Variants in SERBP1 observed in about 807,000 individuals in gnomAD.
SERBP1 encodes SERPINE1 mRNA binding protein 1.
A neutral mutation model predicts 50.2 loss-of-function variants in SERBP1; 6 were observed. The ratio of observed to expected loss-of-function variants is 0.12; its 90% CI spans 0.07 to 0.24. The LOEUF is 0.24. Ranked by LOEUF, SERBP1 falls within the 10% of genes least tolerant of loss-of-function variation. The pLI, the probability that SERBP1 is intolerant of heterozygous loss-of-function variation, is 1.00. For synonymous variants in SERBP1, 168 were observed against 182.8 expected (o/e 0.92, Z 0.65); for missense variants, 346 against 524.9 (o/e 0.66, Z 3.33).
intron 5 of SERBP1, among the ~76,000 whole-genome samples, 172 bp downstream of exon 5, chr1:67,424,028 G>GA (rs1005664547): frequency 1.2e-4 from 18 of 150,532 alleles, no homozygotes; most frequent in African/African-American, 2.2e-4. Flanking sequence ...ATTAAAAAAA[G>GA]AAAAAAAAAG....
At chr1:67,417,056 G>A (rs1276785325) in intron 6 of SERBP1, among the ~76,000 whole-genome samples, 2 of 152,194 alleles carry the variant, frequency 1.3e-5, no homozygotes, top group Non-Finnish European at 2.9e-5. Context: ...GAGTCCAGGA[G>A]TTGGCACAGG....
Position 67,413,160 on chromosome 1 carries a change from G to C in SERBP1, c.*47C>G. The C allele has an allele frequency of 1.3e-6, 2 of 1,544,644 alleles. No individual in the cohort carries two copies. The highest frequency in any genetic ancestry group is 2.8e-5 in the African/African-American group (2 of 70,880). On this transcript the variant is annotated 3_prime_UTR_variant, in exon 8 of 8. Coordinates refer to ENST00000361219, the MANE Select transcript of SERBP1 (RefSeq NM_001018069.2). Reference sequence around the variant, plus strand: ...GAATCCTTAAGCATGCAAAAGCTTTGAACAGAAGGGTTCACAAAGGAACCA... The same window carrying C: ...GAATCCTTAAGCATGCAAAAGCTTTCAACAGAAGGGTTCACAAAGGAACCA...
In SERBP1 at chr1:67,424,383, T is replaced by A. The variant is rs533492211; in HGVS notation, c.696-106A>T. 7.9e-5 allele frequency: 115 copies of A among 1,449,370 alleles called. 1 individual carries two copies. The highest frequency in any genetic ancestry group is 9.3e-7 in the Non-Finnish European group (1 of 1,077,808). The allele number at this position is 1,449,370 out of a possible 1,614,324, so 89.8% of individuals were successfully genotyped here. A position where few individuals can be genotyped will look rare whatever the true frequency, so the allele number is the denominator to read the frequency against. On this transcript the variant is annotated intron_variant, in intron 4 of 7. Transcript: ENST00000361219. ...CATTTACATGTAGCTGAAAAGTTCTTCATACAAAAATACCATAAGCTCTCA... is the reference window on the plus strand; with the variant it reads ...CATTTACATGTAGCTGAAAAGTTCTACATACAAAAATACCATAAGCTCTCA...
chr1:67,424,497 C>A, intron 4 of SERBP1: 1 of 535,816 alleles, frequency 1.9e-6, no homozygotes, highest in East Asian at 3.1e-5. Context: ...ATACTTCATA[C>A]TTAAAAAGTA....
chr1:67,424,833 G>A lies in SERBP1; in HGVS notation c.695+55C>T, dbSNP rs1570301153. ...CAGAGACAAGTAAAATTTGACAGAGGTATGGATTAACCTCTAGTTAGGTAT... is the reference window on the plus strand; with the variant it reads ...CAGAGACAAGTAAAATTTGACAGAGATATGGATTAACCTCTAGTTAGGTAT... On this transcript the variant is annotated intron_variant, in intron 4 of 7. Transcript: ENST00000361219. The A allele has an allele frequency of 3.1e-6, 4 of 1,307,312 alleles. No individual in the cohort carries two copies. The South Asian group carries it at 4.8e-5, about 16-fold the overall frequency. The allele number at this position is 1,307,312 out of a possible 1,614,324, so 81.0% of individuals were successfully genotyped here.
chr1:67,425,010 G>T, intron 3 of SERBP1, 33 bp from the exon 4 acceptor site: 10 of 1,603,472 alleles, frequency 6.2e-6, no homozygotes, highest in Non-Finnish European at 8.5e-6. Context: ...ATACTCTTTA[G>T]TTCTAGAAAT....
rs1304355895 is a variant in SERBP1, at chr1:67,430,359, G to A, written c.-59C>T. The A allele has an allele frequency of 9.5e-6, 14 of 1,478,068 alleles. No homozygotes were observed. The highest frequency in any genetic ancestry group is 2.4e-5 in the Admixed American group (1 of 41,608). 91.6% of individuals were successfully genotyped at this position (1,478,068 alleles called of 1,614,324 possible). The stretch of plus-strand genomic sequence containing the variant: ...TGCAGCGGGCCGCGCCGAGCCAAGA[G>A]CGCCTGCTTCAGCTCTTCCCACAAG... On this transcript the variant is annotated 5_prime_UTR_variant, in exon 1 of 8. Transcript: ENST00000361219.
chr1:67,409,861 C>A lies in SERBP1; in HGVS notation c.*3346G>T, dbSNP rs1346760383. ...AGTTCAAATATGTATCATTTTACTG[C>A]CTTGTTACCAGTTATGCCATACAAA... On this transcript the variant is annotated 3_prime_UTR_variant, in exon 8 of 8. Transcript: ENST00000361219. The A allele has an allele frequency of 6.6e-6, 1 of 152,136 alleles. No individual in the cohort carries two copies. The highest frequency in any genetic ancestry group is 1.5e-5 in the Non-Finnish European group (1 of 68,020). 9.4% of individuals were successfully genotyped at this position (152,136 alleles called of 1,614,324 possible).
At chr1:67,418,321 A>G (rs1415651220) in intron 6 of SERBP1, among the ~76,000 whole-genome samples, 3 of 152,126 alleles carry the variant, frequency 2.0e-5, no homozygotes, top group Non-Finnish European at 2.9e-5. Context: ...GGACTTAAAA[A>G]AGACAATGTC....
intron 1 of SERBP1, among the ~76,000 whole-genome samples, chr1:67,428,497 TTAAA>T (rs1012617488): frequency 2.6e-5 from 4 of 152,146 alleles, no homozygotes; most frequent in South Asian, 2.1e-4. Flanking sequence ...TAAGCATAGT[TTAAA>T]TAATTACACA....
At chr1:67,414,899 A>C (rs1362351885) in intron 7 of SERBP1, among the ~76,000 whole-genome samples, 1 of 152,218 alleles carries the variant, frequency 6.6e-6, no homozygotes, top group Non-Finnish European at 1.5e-5. Flanking sequence ...ACAAGAATTA[A>C]ATGACATTAA....
At chr1:67,420,292 G>A in intron 5 of SERBP1, 106 bp from the exon 6 acceptor site, 1 of 1,037,838 alleles carries the variant, frequency 9.6e-7, no homozygotes, top group African/African-American at 1.7e-5. Context: ...TAATCTTTTA[G>A]AGAAAGATTA....
At chr1:67,417,773 A>C (rs1206847177) in intron 6 of SERBP1, among the ~76,000 whole-genome samples, 1 of 151,864 alleles carries the variant, frequency 6.6e-6, no homozygotes, top group Non-Finnish European at 1.5e-5. Context: ...AGCCTCCCGA[A>C]GTGCTGGGAT....
chr1:67,425,410 A>G (rs1557507096), intron 2 of SERBP1, among the ~76,000 whole-genome samples, 187 bp from the exon 3 acceptor site: 1 of 152,234 alleles, frequency 6.6e-6, no homozygotes, highest in Admixed American at 6.5e-5. Context: ...ACAGCCTCCC[A>G]AAACAAGAAA....
intron 1 of SERBP1, 113 bp downstream of exon 1, chr1:67,429,875 T>C (rs1054278923): frequency 6.8e-6 from 8 of 1,171,066 alleles, no homozygotes; most frequent in African/African-American, 3.1e-5. Context: ...CGTGAGGATA[T>C]AGGCGGCAAA....
Position 67,415,231 on chromosome 1 carries a change from C to A in SERBP1, c.1060G>T (p.Gly354Cys). The A allele has an allele frequency of 1.2e-6, 2 of 1,613,048 alleles. No homozygotes were observed. The highest frequency in any genetic ancestry group is 2.2e-5 in the South Asian group (2 of 90,830). The change falls in exon 7 of 8, where the codon GGC (glycine) becomes TGC (cysteine). Residue 354 changes from glycine (G) to cysteine (C), a missense_variant. Gly to Cys is a radical substitution (Grantham distance 159). Transcript: ENST00000361219. ...FGDLGRPGRG[G>C]RGGRGGRGRG... ...CCACGTCCACCTCGTCCTCCCCTGC[C>A]GCCACGTCCTGGGCGGCCAAGGTCT... is the stretch of plus-strand genomic sequence containing the variant.
In SERBP1 at chr1:67,409,260, T is replaced by A. The variant is rs1666738955; in HGVS notation, c.*3947A>T. ...AACTCTTGTAACCCGAGAGTGACAG[T>A]TCCGGGGTCAGCAAACATTTCTGTG... On this transcript the variant is annotated 3_prime_UTR_variant, in exon 8 of 8. Coordinates refer to ENST00000361219, the MANE Select transcript of SERBP1 (RefSeq NM_001018069.2). 6.6e-6 allele frequency: 1 copy of A among 151,646 alleles called. No individual in the cohort carries two copies. Among genetic ancestry groups the A allele is most frequent in the Non-Finnish European group, 1.5e-5 (1 of 67,962 alleles). 9.4% of individuals were successfully genotyped at this position (151,646 alleles called of 1,614,324 possible).
chr1:67,423,463 C>T (rs1316061158), intron 5 of SERBP1, among the ~76,000 whole-genome samples: 1 of 151,858 alleles, frequency 6.6e-6, no homozygotes, highest in South Asian at 2.1e-4. Flanking sequence ...AAAAATTAGC[C>T]GGGCCTGGTG....
At chr1:67,422,022 A>G (rs1425510060) in intron 5 of SERBP1, among the ~76,000 whole-genome samples, 1 of 152,212 alleles carries the variant, frequency 6.6e-6, no homozygotes, top group East Asian at 1.9e-4. Context: ...TCACAACTTC[A>G]TTGTTTATCA....
Sources: allele counts gnomAD v4.1 joint callset (sites outside exome capture counted in the v4.1 genomes callset), GRCh38; gene constraint gnomAD v4.1.1; transcripts MANE v1.5; gene names NCBI Gene and HGNC (gene_info 2026-07-23, HGNC 2026-07-21).